The following APOBEC3G variants were observed in gnomAD, a reference collection of about 807,000 sequenced individuals.
The protein encoded by APOBEC3G is DNA dC->dU-editing enzyme APOBEC-3G.
Under a neutral mutation model 50.0 loss-of-function variants are expected in APOBEC3G, and 44 were observed. The observed-to-expected ratio is 0.88, with a 90% CI of 0.69 to 1.13. The LOEUF (loss-of-function observed/expected upper bound fraction) is 1.13. APOBEC3G is among the 50% of genes most tolerant of loss of function. APOBEC3G has a pLI of 0.00. For missense variants in APOBEC3G, 469 were observed against 492.0 expected (o/e 0.95, Z 0.44); for synonymous variants, 156 against 175.3 (o/e 0.89, Z 0.87).
intron 1 of APOBEC3G, among the ~76,000 whole-genome samples, chr22:39,078,225 C>T (rs750049321): frequency 6.6e-6 from 1 of 151,926 alleles, no homozygotes; most frequent in African/African-American, 2.4e-5. Context: ...CCCCATTGCA[C>T]TCCAGCCTGG....
Position 39,082,231 on chromosome 22 carries a change from G to T in APOBEC3G, c.581+646G>T, listed in dbSNP as rs17537561. On this transcript the variant is annotated intron_variant, in intron 4 of 7. Coordinates refer to ENST00000407997, the MANE Select transcript of APOBEC3G (RefSeq NM_021822.4). ...TCCTCTGTGCACCTGCACTCGTGGG[G>T]TCTCTCTGCCTCCAAATGTCCTCCT... is the stretch of plus-strand genomic sequence containing the variant. 1,322 of 152,806 alleles carry T rather than the reference G, an allele frequency of 8.7e-3. 3 individuals are homozygous for T. Among genetic ancestry groups the T allele is most frequent in the Non-Finnish European group, 0.014 (950 of 68,444 alleles). The allele number at this position is 152,806 out of a possible 1,614,324, so 9.5% of individuals were successfully genotyped here.
In APOBEC3G at chr22:39,083,744, C is replaced by T. The variant is rs1376354418; in HGVS notation, c.595C>T (p.Pro199Ser). 1 of 1,613,896 alleles carries T rather than the reference C, an allele frequency of 6.2e-7. No homozygotes were observed. Among genetic ancestry groups the T allele is most frequent in the Non-Finnish European group, 8.5e-7 (1 of 1,179,846 alleles). ...LGEILRHSMDPPTFTFNFNNE... is the reference protein window; with the variant it reads ...LGEILRHSMDSPTFTFNFNNE... ...CCCACTTTCCAGACACTCGATGGAT[C>T]CACCCACATTCACTTTCAACTTTAA... Residue 199 changes from proline to serine, a missense_variant, in exon 5 of 8, where the codon CCA (proline) becomes TCA (serine). By Grantham distance (74) the Pro-to-Ser change is moderately conservative. Coordinates refer to ENST00000407997, the MANE Select transcript of APOBEC3G (RefSeq NM_021822.4).
At position 39,086,379 on chromosome 22, in the gene APOBEC3G, T is replaced by C; in HGVS notation, c.836T>C (p.Val279Ala). 2 of 1,614,112 alleles carry C rather than the reference T, an allele frequency of 1.2e-6. No homozygotes were observed. Among genetic ancestry groups the C allele is most frequent in the Non-Finnish European group, 1.7e-6 (2 of 1,180,010 alleles). Residue 279 changes from valine (V) to alanine (A), a missense_variant, in exon 6 of 8, where the codon GTT becomes GCT. By Grantham distance (64) the Val-to-Ala change is moderately conservative. Transcript: ENST00000407997. ...WKLDLDQDYR[V>A]TCFTSWSPCF... ...CTGGACCTGGACCAGGACTACAGGGTTACCTGCTTCACCTCCTGGAGCCCC... is the reference window on the plus strand; with the variant it reads ...CTGGACCTGGACCAGGACTACAGGGCTACCTGCTTCACCTCCTGGAGCCCC...
chr22:39,079,381 G>A (rs141846968), intron 2 of APOBEC3G: 5,481 of 289,286 alleles, frequency 0.019, 86 homozygotes, highest in Middle Eastern at 0.025. Context: ...GCAATGACGC[G>A]ATCTCGGCTC....
At chr22:39,077,027 T>A, upstream of APOBEC3G, 4 of 475,032 alleles carry the variant, frequency 8.4e-6, no homozygotes, top group South Asian at 9.2e-5. Flanking sequence ...CTCAGCCTGG[T>A]GTGGACCCAC....
chr22:39,077,497 C>T, intron 1 of APOBEC3G, 119 bp downstream of exon 1: 1 of 1,511,952 alleles, frequency 6.6e-7, no homozygotes, highest in Non-Finnish European at 8.9e-7. Flanking sequence ...TCCCTCCCCT[C>T]TGACTCCCCT....
At position 39,087,672 on chromosome 22, in the gene APOBEC3G, C is replaced by T. The variant is rs1422234132; in HGVS notation, c.*251C>T. 1 of 672,768 alleles carries T rather than the reference C, an allele frequency of 1.5e-6. No homozygotes were observed. The highest frequency in any genetic ancestry group is 3.3e-5 in the Admixed American group (1 of 29,990). 41.7% of individuals were successfully genotyped at this position (672,768 alleles called of 1,614,324 possible). On this transcript the variant is annotated 3_prime_UTR_variant, in exon 8 of 8. Coordinates refer to ENST00000407997, the MANE Select transcript of APOBEC3G (RefSeq NM_021822.4). ...CTCAATACACAGAAAAGTTTCAAACCTACTAATCCAGCGACAATTTGAATC... is the reference window on the plus strand; with the variant it reads ...CTCAATACACAGAAAAGTTTCAAACTTACTAATCCAGCGACAATTTGAATC...
chr22:39,077,523 A>G, intron 1 of APOBEC3G, 145 bp downstream of exon 1: 3 of 1,421,876 alleles, frequency 2.1e-6, no homozygotes, highest in Non-Finnish European at 2.9e-6. Flanking sequence ...CCCTACTCCC[A>G]GCCAGGCTCC....
rs1928760658 is a variant in APOBEC3G at position 39,087,707 on chromosome 22, G to T, written c.*286G>T. 1 of 510,606 alleles carries T rather than the reference G, an allele frequency of 2.0e-6. No individual in the cohort carries two copies. Among genetic ancestry groups the T allele is most frequent in the African/African-American group, 1.9e-5 (1 of 52,040 alleles). 31.6% of individuals were successfully genotyped at this position (510,606 alleles called of 1,614,324 possible). ...AGCGACAATTTGAATCGGTTTTGTAGGTAGAGGAATAAAATGAAATACTAA... is the reference window on the plus strand; with the variant it reads ...AGCGACAATTTGAATCGGTTTTGTATGTAGAGGAATAAAATGAAATACTAA... On this transcript the variant is annotated 3_prime_UTR_variant, in exon 8 of 8. Coordinates refer to ENST00000407997, the MANE Select transcript of APOBEC3G (RefSeq NM_021822.4).
chr22:39,086,965 C>G (rs116198065), intron 6 of APOBEC3G, 46 bp from the exon 7 acceptor site: 5 of 1,555,726 alleles, frequency 3.2e-6, no homozygotes, highest in East Asian at 2.3e-5. Flanking sequence ...GGTGCCACCA[C>G]GATCCCACAG....
At chr22:39,080,261 C>G in intron 2 of APOBEC3G, 1 of 737,700 alleles carries the variant, frequency 1.4e-6, no homozygotes, top group Non-Finnish European at 1.7e-6. Flanking sequence ...GAATGGATGC[C>G]TGGGAGAATG....
chr22:39,078,184 A>C (rs1928247613), intron 1 of APOBEC3G, among the ~76,000 whole-genome samples: 1 of 152,152 alleles, frequency 6.6e-6, no homozygotes, highest in Admixed American at 6.5e-5. Flanking sequence ...CATTGAACCC[A>C]GGAGGCGGAG....
intron 4 of APOBEC3G, chr22:39,082,886 A>T (rs1928534254): frequency 6.6e-6 from 1 of 151,614 alleles, no homozygotes; most frequent in Admixed American, 6.6e-5. Context: ...TTCCTTCTGC[A>T]CCCAACACTC....
In APOBEC3G at chr22:39,087,591, C is replaced by T. The variant is rs530089610; in HGVS notation, c.*170C>T. On this transcript the variant is annotated 3_prime_UTR_variant, in exon 8 of 8. Coordinates refer to ENST00000407997, the MANE Select transcript of APOBEC3G (RefSeq NM_021822.4). ...GTAGATTCTTTTAAAAATTAGAGTG[C>T]ATTACTTTGAATCAAAAATTTATTT... is the stretch of plus-strand genomic sequence containing the variant. 9.3e-5 allele frequency: 119 copies of T among 1,283,148 alleles called. No individual in the cohort carries two copies. The East Asian group carries it at 2.8e-3, about 30-fold the overall frequency. 79.5% of individuals were successfully genotyped at this position (1,283,148 alleles called of 1,614,324 possible). A position where few individuals can be genotyped will look rare whatever the true frequency, so the allele number is the denominator to read the frequency against.
At chr22:39,086,950 C>T (rs1297053194) in intron 6 of APOBEC3G, 61 bp from the exon 7 acceptor site, 1 of 1,542,352 alleles carries the variant, frequency 6.5e-7, no homozygotes, top group Non-Finnish European at 8.8e-7. Flanking sequence ...GAGTCATGGG[C>T]CTTTGGTGCC....
At chr22:39,080,140 ACC>A in intron 2 of APOBEC3G, 1 of 414,916 alleles carries the variant, frequency 2.4e-6, no homozygotes, top group Non-Finnish European at 3.4e-6. Context: ...TGGCCATGTC[ACC>A]CCCCCCGACA....
Position 39,086,533 on chromosome 22 carries a change from G to A in APOBEC3G, c.990G>A (p.Glu330=), listed in dbSNP as rs1265122650. ...AGGAGGGGCTGCGCACCCTGGCCGA[G>A]GCTGGGGCCAAAATTTCAATAATGA... ...RCQEGLRTLA[E]AGAKISIMTY... Residue 330 remains glutamate (E), a synonymous_variant, in exon 6 of 8, where the codon GAG becomes GAA. Transcript: ENST00000407997. 6.8e-6 allele frequency: 11 copies of A among 1,610,374 alleles called. No homozygotes were observed. Among genetic ancestry groups the A allele is most frequent in the Admixed American group, 1.7e-5 (1 of 59,834 alleles).
chr22:39,078,997 C>G lies in APOBEC3G; in HGVS notation c.83C>G (p.Ser28Cys), dbSNP rs773182222. The G allele has an allele frequency of 1.9e-6, 3 of 1,614,216 alleles. No homozygotes were observed. Among genetic ancestry groups the G allele is most frequent in the Non-Finnish European group, 2.5e-6 (3 of 1,180,042 alleles). ...AACTTTTATAATAGACCCATCCTTT[C>G]TCGTCGGAATACCGTCTGGCTGTGC... ...SYNFYNRPIL[S>C]RRNTVWLCYE... Residue 28 changes from serine (S) to cysteine (C), a missense_variant, in exon 2 of 8, where the codon TCT (serine) becomes TGT (cysteine). Physicochemically the swap from Ser to Cys is moderately radical, Grantham distance 112. Transcript: ENST00000407997.
At position 39,087,403 on chromosome 22, in the gene APOBEC3G, C is replaced by T. The variant is rs1014236678; in HGVS notation, c.1141-4C>T. 6.8e-6 allele frequency: 11 copies of T among 1,613,926 alleles called. 1 individual carries two copies. In the Admixed American group the frequency reaches 8.3e-5, roughly 12 times the overall value. ...TGCTCCATTCAACCTCCCTGCTCTTCCAGAATCAGGAAAACTGAAGGATGG... is the reference window on the plus strand; with the variant it reads ...TGCTCCATTCAACCTCCCTGCTCTTTCAGAATCAGGAAAACTGAAGGATGG... On this transcript the variant is annotated splice_polypyrimidine_tract_variant and splice_region_variant and intron_variant, in intron 7 of 7. Coordinates refer to ENST00000407997, the MANE Select transcript of APOBEC3G (RefSeq NM_021822.4).
Sources: gnomAD v4.1 joint callset for allele counts (sites outside exome capture counted in the v4.1 genomes callset) on GRCh38, gnomAD v4.1.1 for gene constraint, MANE v1.5 for transcripts, NCBI Gene and HGNC (gene_info 2026-07-23, HGNC 2026-07-21) for gene names.